The following CCSER1 variants were observed in gnomAD, a reference collection of about 807,000 sequenced individuals.
CCSER1 encodes the protein serine-rich coiled-coil domain-containing protein 1.
Under a neutral mutation model 82.0 loss-of-function variants are expected in CCSER1, and 41 were observed. The observed-to-expected ratio is 0.50, with a 90% confidence interval of 0.39 to 0.65. The LOEUF is 0.65. Ranked by LOEUF, CCSER1 falls within the 30% of genes least tolerant of loss-of-function variation. The pLI is 0.00. For missense variants in CCSER1, 1,119 were observed against 1,064.2 expected (o/e 1.05, Z -0.72); for synonymous variants, 414 against 383.9 (o/e 1.08, Z -0.92).
intron 10 of CCSER1, among the ~76,000 whole-genome samples, chr4:91,404,278 T>C (rs1291808437): frequency 1.3e-5 from 2 of 152,136 alleles, no homozygotes; most frequent in African/African-American, 4.8e-5. Flanking sequence ...ATTTGATTCT[T>C]CTCTCTTTGC....
At chr4:90,564,619 T>C (rs1482385616) in intron 5 of CCSER1, among the ~76,000 whole-genome samples, 1 of 152,054 alleles carries the variant, frequency 6.6e-6, no homozygotes, top group Admixed American at 6.6e-5. Flanking sequence ...TCTTGGAGCT[T>C]TCCCTCTATT....
intron 5 of CCSER1, among the ~76,000 whole-genome samples, chr4:90,490,954 A>G (rs1211210846): frequency 2.0e-5 from 3 of 152,092 alleles, no homozygotes; most frequent in Non-Finnish European, 4.4e-5. Flanking sequence ...GTGAGGTAGC[A>G]TAATGCCTCC....
chr4:91,376,270 G>C (rs1750405726), intron 10 of CCSER1, among the ~76,000 whole-genome samples: 4 of 152,280 alleles, frequency 2.6e-5, no homozygotes, highest in Admixed American at 2.0e-4. Flanking sequence ...AGCAACCTAA[G>C]AGTGTACACA....
At chr4:90,684,093 T>C (rs1405804915) in intron 6 of CCSER1, among the ~76,000 whole-genome samples, 1 of 152,184 alleles carries the variant, frequency 6.6e-6, no homozygotes, top group Non-Finnish European at 1.5e-5. Flanking sequence ...CCTTTCAAAA[T>C]TTGAAACATT....
In CCSER1 at chr4:91,397,481, G is replaced by C. The variant is rs570184158; in HGVS notation, c.2218-201091G>C. ...CCCATGCATTCTTTATGTTTTTGTA[G>C]ATTTTCTACATTTCATTTTCTTAAA... On this transcript the variant is annotated intron_variant, in intron 10 of 10. Transcript: ENST00000509176. 9.2e-5 allele frequency among the ~76,000 whole-genome samples: 14 copies of C among 152,070 alleles called. 1 individual carries two copies. In the South Asian group the frequency reaches 2.9e-3, roughly 32 times the overall value.
chr4:90,576,757 T>C (rs1780820748), intron 5 of CCSER1, among the ~76,000 whole-genome samples: 1 of 152,186 alleles, frequency 6.6e-6, no homozygotes, highest in Admixed American at 6.5e-5. Context: ...AGTTGATTTA[T>C]CAATTCACCT....
chr4:90,544,474 C>A (rs569437771), intron 5 of CCSER1, among the ~76,000 whole-genome samples: 1 of 152,214 alleles, frequency 6.6e-6, no homozygotes, highest in East Asian at 1.9e-4. Context: ...AGTGGAGTTA[C>A]GGACAACACT....
chr4:90,933,535 T>C (rs1018464877), intron 9 of CCSER1, among the ~76,000 whole-genome samples: 1 of 151,852 alleles, frequency 6.6e-6, no homozygotes, highest in African/African-American at 2.4e-5. Flanking sequence ...CAGACCCTAA[T>C]TGAGTCTGAA....
intron 9 of CCSER1, among the ~76,000 whole-genome samples, chr4:91,069,171 TAAATAAA>T (rs1721169600): frequency 6.6e-6 from 1 of 151,700 alleles, no homozygotes; most frequent in South Asian, 2.1e-4. Context: ...TCAAAAAAAA[TAAATAAA>T]AAATAAAAAT....
At chr4:90,769,778 A>G (rs985151353) in intron 7 of CCSER1, among the ~76,000 whole-genome samples, 3 of 152,182 alleles carry the variant, frequency 2.0e-5, no homozygotes, top group African/African-American at 7.2e-5. Flanking sequence ...AGTAGGTACT[A>G]CAGTAGTATC....
At chr4:91,267,517 A>G (rs914865226) in intron 10 of CCSER1, among the ~76,000 whole-genome samples, 2 of 152,160 alleles carry the variant, frequency 1.3e-5, no homozygotes, top group Admixed American at 6.5e-5. Flanking sequence ...TTTAATTTCT[A>G]TTGATAATAA....
chr4:91,225,773 A>G (rs901198756), intron 10 of CCSER1, among the ~76,000 whole-genome samples: 9 of 151,936 alleles, frequency 5.9e-5, no homozygotes, highest in African/African-American at 2.2e-4. Flanking sequence ...GATGGTTTCA[A>G]TCTGTGCGAC....
chr4:90,917,162 TG>T (rs1468171900), intron 8 of CCSER1, among the ~76,000 whole-genome samples: 1 of 152,208 alleles, frequency 6.6e-6, no homozygotes, highest in Non-Finnish European at 1.5e-5. Flanking sequence ...ATCCCATTAC[TG>T]GGTATATACC....
chr4:90,823,152 C>A (rs778418057), intron 8 of CCSER1, among the ~76,000 whole-genome samples: 3 of 152,002 alleles, frequency 2.0e-5, no homozygotes, highest in Non-Finnish European at 2.9e-5. Flanking sequence ...GAGACTCTTT[C>A]CTAAGAAGAT....
At chr4:91,115,274 G>A (rs565428212) in intron 10 of CCSER1, among the ~76,000 whole-genome samples, 20 of 152,182 alleles carry the variant, frequency 1.3e-4, no homozygotes, top group African/African-American at 4.8e-4. Context: ...CAAATAAAAT[G>A]TACCCAGTTT....
At chr4:90,223,838 T>A (rs1325365161) in intron 1 of CCSER1, among the ~76,000 whole-genome samples, 5 of 152,234 alleles carry the variant, frequency 3.3e-5, no homozygotes, top group Non-Finnish European at 7.3e-5. Context: ...TTTATTGCCT[T>A]CTCAGTTTAT....
intron 6 of CCSER1, among the ~76,000 whole-genome samples, chr4:90,632,107 A>G (rs1187118369): frequency 2.0e-5 from 3 of 152,154 alleles, no homozygotes; most frequent in Non-Finnish European, 1.5e-5. Flanking sequence ...GAATATAAGC[A>G]TTAACGCTGA....
At chr4:90,627,755 C>T (rs562698991) in intron 5 of CCSER1, among the ~76,000 whole-genome samples, 13 of 151,830 alleles carry the variant, frequency 8.6e-5, no homozygotes, top group South Asian at 2.1e-4. Context: ...CCAAGGCAGG[C>T]GGATCACGAG....
At chr4:90,689,845 G>A (rs568693187) in intron 6 of CCSER1, among the ~76,000 whole-genome samples, 1 of 152,106 alleles carries the variant, frequency 6.6e-6, no homozygotes, top group Non-Finnish European at 1.5e-5. Flanking sequence ...CCTAGACAAA[G>A]AAGTAAGGCT....
Sources: gnomAD v4.1 joint callset for allele counts (sites outside exome capture counted in the v4.1 genomes callset) on GRCh38, gnomAD v4.1.1 for gene constraint, MANE v1.5 for transcripts, NCBI Gene and HGNC (gene_info 2026-07-23, HGNC 2026-07-21) for gene names.